FCHSD2: variants seen among roughly 807,000 people sequenced by gnomAD.
FCHSD2 encodes F-BAR and double SH3 domains protein 2.
In FCHSD2, 38 loss-of-function variants were observed where a neutral mutation model predicts 108.1. The observed-to-expected ratio is 0.35, with a 90% CI of 0.27 to 0.46. FCHSD2 has a LOEUF of 0.46. Among genes scored for constraint, FCHSD2 ranks in the 20% least tolerant of loss-of-function variants. The probability of loss-of-function intolerance (pLI) is 1.00; values close to 1 mark genes in which losing one functional copy is unlikely to be tolerated. For synonymous variants in FCHSD2, 279 were observed against 314.7 expected (o/e 0.89, Z 1.20); for missense variants, 751 against 897.8 (o/e 0.84, Z 2.09).
chr11:73,141,940 G>C lies in FCHSD2; in HGVS notation c.-63C>G. On this transcript the variant is annotated 5_prime_UTR_variant, in exon 1 of 20. Coordinates refer to ENST00000409418, the MANE Select transcript of FCHSD2 (RefSeq NM_014824.3). ...TTAGCAAGGACCAGGAGGAGGAGGA[G>C]GGCCGGAGAGGAGGGGACGGCCCAG... The C allele has an allele frequency of 6.7e-7, 1 of 1,486,826 alleles. No homozygotes were observed. Among genetic ancestry groups the C allele is most frequent in the East Asian group, 2.5e-5 (1 of 39,742 alleles). The allele number at this position is 1,486,826 out of a possible 1,614,324, so 92.1% of individuals were successfully genotyped here.
chr11:72,851,520 C>G (rs1662612545), intron 13 of FCHSD2, among the ~76,000 whole-genome samples: 1 of 152,068 alleles, frequency 6.6e-6, no homozygotes, highest in Admixed American at 6.5e-5. Context: ...GTGGGCGGAT[C>G]ACAAGGACAG....
intron 2 of FCHSD2, among the ~76,000 whole-genome samples, chr11:73,115,916 T>C (rs1860591308): frequency 6.6e-6 from 1 of 152,228 alleles, no homozygotes; most frequent in Non-Finnish European, 1.5e-5. Context: ...AACATGTAGA[T>C]TAACATTTGA....
chr11:72,967,750 G>A (rs1406898096), intron 8 of FCHSD2, among the ~76,000 whole-genome samples: 2 of 152,004 alleles, frequency 1.3e-5, no homozygotes, highest in Admixed American at 6.6e-5. Flanking sequence ...ATTTTAAAAC[G>A]GTGAGTTTTA....
chr11:72,994,584 T>C lies in FCHSD2; in HGVS notation c.388-5487A>G, dbSNP rs979174321. Among the ~76,000 whole-genome samples, 6 of 152,198 alleles carry C rather than the reference T, an allele frequency of 3.9e-5. No homozygotes were observed. In the South Asian group the frequency reaches 1.2e-3, roughly 32 times the overall value. ...TTTAAGATATAGTGTAAACTCACGG[T>C]GAAACCCCGTCTCTACTAAAAATAC... On this transcript the variant is annotated intron_variant, in intron 5 of 19. Coordinates refer to ENST00000409418, the MANE Select transcript of FCHSD2 (RefSeq NM_014824.3).
At position 73,141,929 on chromosome 11, in the gene FCHSD2, G is replaced by A. The variant is rs555154787; in HGVS notation, c.-52C>T. The A allele has an allele frequency of 7.2e-7, 1 of 1,382,370 alleles. No homozygotes were observed. The highest frequency in any genetic ancestry group is 9.8e-7 in the Non-Finnish European group (1 of 1,021,022). The allele number at this position is 1,382,370 out of a possible 1,614,324, so 85.6% of individuals were successfully genotyped here. The stretch of plus-strand genomic sequence containing the variant: ...CGACGGCAGCGTTAGCAAGGACCAG[G>A]AGGAGGAGGAGGGCCGGAGAGGAGG... On this transcript the variant is annotated 5_prime_UTR_variant, in exon 1 of 20. Coordinates refer to ENST00000409418, the MANE Select transcript of FCHSD2 (RefSeq NM_014824.3).
intron 9 of FCHSD2, among the ~76,000 whole-genome samples, chr11:72,917,706 C>T (rs1017095504): frequency 6.6e-6 from 1 of 152,060 alleles, no homozygotes; most frequent in Non-Finnish European, 1.5e-5. Context: ...GCTAACATGA[C>T]GAAACCCCGT....
rs1377358492 is a variant in FCHSD2, at chr11:73,080,629, GT to G, written c.165+3065del. The stretch of plus-strand genomic sequence containing the variant: ...TGATAATGTCTAGAATTGACAAAGA[GT>G]GAGTTATAAGCATATTATTTAAAGA... On this transcript the variant is annotated intron_variant, in intron 3 of 19. Transcript: ENST00000409418. 3.3e-5 allele frequency among the ~76,000 whole-genome samples: 5 copies of G among 152,188 alleles called. 1 individual carries two copies. The highest frequency in any genetic ancestry group is 1.2e-4 in the African/African-American group (5 of 41,520).
chr11:72,866,888 A>C (rs1162420222), intron 13 of FCHSD2, among the ~76,000 whole-genome samples: 1 of 152,218 alleles, frequency 6.6e-6, no homozygotes, highest in Non-Finnish European at 1.5e-5. Context: ...CTATGAAGAC[A>C]GTGGGAAGTT....
intron 8 of FCHSD2, among the ~76,000 whole-genome samples, chr11:72,981,580 T>G (rs1857216744): frequency 6.6e-6 from 1 of 152,216 alleles, no homozygotes; most frequent in Middle Eastern, 3.2e-3. Context: ...TATAGTGAAT[T>G]ACAACCTTAA....
At chr11:73,068,829 A>AG (rs574036838) in intron 3 of FCHSD2, among the ~76,000 whole-genome samples, 2,969 of 148,384 alleles carry the variant, frequency 0.02, 84 homozygotes, top group African/African-American at 0.064. Flanking sequence ...AAAAAAAAAA[A>AG]AAAGAAAAAG....
rs777418781 is a variant in FCHSD2, at chr11:72,879,299, G to A, written c.1146+8171C>T. 1.8e-4 allele frequency among the ~76,000 whole-genome samples: 28 copies of A among 152,036 alleles called. 1 individual carries two copies. Among genetic ancestry groups the A allele is most frequent in the Non-Finnish European group, 3.8e-4 (26 of 68,018 alleles). On this transcript the variant is annotated intron_variant, in intron 12 of 19. Coordinates refer to ENST00000409418, the MANE Select transcript of FCHSD2 (RefSeq NM_014824.3). Reference sequence around the variant, plus strand: ...AACTGATCTGCAAGTAACTGACCTGGCAGCCAAAACAAAACTCAATAGTCT... The same window carrying A: ...AACTGATCTGCAAGTAACTGACCTGACAGCCAAAACAAAACTCAATAGTCT...
At chr11:72,848,010 T>C (rs1861192721) in intron 14 of FCHSD2, among the ~76,000 whole-genome samples, 1 of 152,168 alleles carries the variant, frequency 6.6e-6, no homozygotes, top group South Asian at 2.1e-4. Flanking sequence ...CCATTAAATA[T>C]AGTTTCTTTG....
At chr11:73,050,586 G>A (rs1423046371) in intron 3 of FCHSD2, among the ~76,000 whole-genome samples, 1 of 152,020 alleles carries the variant, frequency 6.6e-6, no homozygotes, top group Admixed American at 6.6e-5. Flanking sequence ...CCCCCACAAT[G>A]GTTTTTCAGT....
At chr11:72,964,618 C>G (rs1202768975) in intron 8 of FCHSD2, among the ~76,000 whole-genome samples, 3 of 152,118 alleles carry the variant, frequency 2.0e-5, no homozygotes, top group African/African-American at 4.8e-5. Context: ...CTATCATCAT[C>G]ATCAGCAGCA....
chr11:73,025,818 T>C (rs968804265), intron 3 of FCHSD2, among the ~76,000 whole-genome samples: 2 of 152,162 alleles, frequency 1.3e-5, no homozygotes, highest in Non-Finnish European at 2.9e-5. Context: ...AACCAAATCT[T>C]AATGTGTTAT....
chr11:73,125,136 G>A (rs77781108), intron 2 of FCHSD2, among the ~76,000 whole-genome samples: 2,500 of 152,276 alleles, frequency 0.016, 67 homozygotes, highest in African/African-American at 0.057. Context: ...AAATGCTGAA[G>A]GAAGTTCCTT....
intron 8 of FCHSD2, among the ~76,000 whole-genome samples, chr11:72,976,101 C>T (rs1406046472): frequency 6.6e-6 from 1 of 152,094 alleles, no homozygotes; most frequent in Non-Finnish European, 1.5e-5. Flanking sequence ...TATCTGATTT[C>T]CAGGGTCTAG....
intron 13 of FCHSD2, among the ~76,000 whole-genome samples, chr11:72,856,521 A>G (rs1472147374): frequency 6.6e-6 from 1 of 152,228 alleles, no homozygotes; most frequent in African/African-American, 2.4e-5. Context: ...ATAAAAGGGA[A>G]AAGATTACAC....
chr11:72,976,431 A>G (rs937203090), intron 8 of FCHSD2, among the ~76,000 whole-genome samples: 19 of 152,032 alleles, frequency 1.2e-4, no homozygotes, highest in African/African-American at 4.6e-4. Context: ...AGCTGGGACT[A>G]CAAGCACGTG....
Sources: gnomAD v4.1 joint callset for allele counts (sites outside exome capture counted in the v4.1 genomes callset) on GRCh38, gnomAD v4.1.1 for gene constraint, MANE v1.5 for transcripts, NCBI Gene and HGNC (gene_info 2026-07-23, HGNC 2026-07-21) for gene names.